SPECC1: variants seen among roughly 807,000 people sequenced by gnomAD.
The protein encoded by SPECC1 is sperm antigen with calponin homology and coiled-coil domains 1.
SPECC1 carries 62 observed loss-of-function variants against 104.1 expected under a neutral mutation model. That is an observed-to-expected ratio of 0.60 (90% CI 0.49 to 0.74). The LOEUF (loss-of-function observed/expected upper bound fraction) is 0.74, where lower values mean the gene tolerates loss of function less well. SPECC1 is among the 30% of genes least tolerant of loss of function. The probability of loss-of-function intolerance (pLI) is 0.00; values close to 1 mark genes in which losing one functional copy is unlikely to be tolerated. For missense variants in SPECC1, 1,306 were observed against 1,310.5 expected (o/e 1.00, Z 0.05); for synonymous variants, 513 against 501.6 (o/e 1.02, Z -0.30).
At chr17:20,304,291 A>G (rs1450399287) in intron 13 of SPECC1, among the ~76,000 whole-genome samples, 3 of 152,042 alleles carry the variant, frequency 2.0e-5, no homozygotes, top group Non-Finnish European at 4.4e-5. Flanking sequence ...TTCCATCTCA[A>G]AAAAAGGAAA....
chr17:20,053,292 T>C (rs969941137), intron 1 of SPECC1, among the ~76,000 whole-genome samples: 4 of 152,232 alleles, frequency 2.6e-5, no homozygotes, highest in Non-Finnish European at 5.9e-5. Context: ...TCCTCTATTC[T>C]TGCTAAAGTC....
At position 20,110,484 on chromosome 17, in the gene SPECC1, G is replaced by A; in HGVS notation, c.205G>A (p.Gly69Arg). ...LNKPGSTAAS[G>R]VVRLKKTATA... ...CAAGCCAGGAAGTACCGCTGCATCG[G>A]GGGTGGTTCGCCTGAAGAAGACCGC... Residue 69 changes from glycine to arginine, a missense_variant, in exon 3 of 15, where the codon GGG (glycine) becomes AGG (arginine). Physicochemically the swap from Gly to Arg is moderately radical, Grantham distance 125. Coordinates refer to ENST00000395527, the MANE Select transcript of SPECC1 (RefSeq NM_001243439.2). The A allele has an allele frequency of 6.2e-7, 1 of 1,614,032 alleles. No homozygotes were observed. Among genetic ancestry groups the A allele is most frequent in the South Asian group, 1.1e-5 (1 of 91,068 alleles).
chr17:20,172,655 G>A (rs2034176672), intron 3 of SPECC1, among the ~76,000 whole-genome samples: 1 of 152,190 alleles, frequency 6.6e-6, no homozygotes, highest in Non-Finnish European at 1.5e-5. Context: ...GGTTGGGAGA[G>A]ACATGGGGAG....
At chr17:20,306,145 C>T in intron 14 of SPECC1, 63 bp downstream of exon 14, 1 of 1,493,128 alleles carries the variant, frequency 6.7e-7, no homozygotes, top group African/African-American at 1.4e-5. Context: ...TTTATGCCAT[C>T]TGATAAACAG....
intron 1 of SPECC1, among the ~76,000 whole-genome samples, chr17:20,093,645 G>T (rs576529260): frequency 9.2e-5 from 14 of 152,116 alleles, no homozygotes; most frequent in Non-Finnish European, 1.8e-4. Flanking sequence ...GGGTGCACCT[G>T]CTCCCCTTCT....
In SPECC1 at chr17:20,052,039, C is replaced by CA. The variant is rs1414208488; in HGVS notation, c.-22+42622dup. Reference sequence around the variant, plus strand: ...TAAGGATTAAATGTGACAACTTCAACAAAAAAACCCTAGAAGAATGTTTGA... The same window carrying CA: ...TAAGGATTAAATGTGACAACTTCAACAAAAAAAACCCTAGAAGAATGTTTGA... On this transcript the variant is annotated intron_variant, in intron 1 of 14. Coordinates refer to ENST00000395527, the MANE Select transcript of SPECC1 (RefSeq NM_001243439.2). Among the ~76,000 whole-genome samples the CA allele has an allele frequency of 4.6e-5, 7 of 151,894 alleles. No homozygotes were observed. The East Asian group carries it at 5.8e-4, about 13-fold the overall frequency.
chr17:20,177,614 C>T (rs2034559730), intron 3 of SPECC1, among the ~76,000 whole-genome samples: 2 of 152,194 alleles, frequency 1.3e-5, no homozygotes, highest in Non-Finnish European at 2.9e-5. Flanking sequence ...TAAATACTCT[C>T]AACTATCCTT....
At chr17:20,217,263 T>G (rs1054099998) in intron 4 of SPECC1, among the ~76,000 whole-genome samples, 1 of 148,598 alleles carries the variant, frequency 6.7e-6, no homozygotes, top group Non-Finnish European at 1.5e-5. Flanking sequence ...AGTTTTTTTA[T>G]TGTGTGTGTG....
At chr17:20,162,436 G>A (rs945966284) in intron 3 of SPECC1, among the ~76,000 whole-genome samples, 5 of 152,112 alleles carry the variant, frequency 3.3e-5, no homozygotes, top group Admixed American at 6.6e-5. Flanking sequence ...GTGAGCCACC[G>A]CGCCCGGCCC....
At chr17:20,125,304 C>T (rs192826004) in intron 3 of SPECC1, among the ~76,000 whole-genome samples, 262 of 152,304 alleles carry the variant, frequency 1.7e-3, no homozygotes, top group Middle Eastern at 3.4e-3. Flanking sequence ...CTACTGAATG[C>T]GCGTCATGTT....
At chr17:20,163,552 TTC>T (rs748754978) in intron 3 of SPECC1, among the ~76,000 whole-genome samples, 12 of 151,828 alleles carry the variant, frequency 7.9e-5, no homozygotes, top group Admixed American at 2.0e-4. Context: ...AACATTTATA[TTC>T]TCTCTCTCTC....
chr17:20,088,940 G>C (rs2047289924), intron 1 of SPECC1, among the ~76,000 whole-genome samples: 1 of 152,202 alleles, frequency 6.6e-6, no homozygotes, highest in Non-Finnish European at 1.5e-5. Flanking sequence ...CAGCAAGAAG[G>C]CACCTTCTGT....
chr17:20,110,139 AT>A (rs2048412071), intron 2 of SPECC1, among the ~76,000 whole-genome samples: 1 of 152,126 alleles, frequency 6.6e-6, no homozygotes, highest in Admixed American at 6.5e-5. Flanking sequence ...GCCCAGCCAC[AT>A]TTTTTAAGGC....
rs2152505433 is a variant in SPECC1 at position 20,096,791 on chromosome 17, T to C, written c.140T>C (p.Leu47Pro). 6.2e-7 allele frequency: 1 copy of C among 1,613,452 alleles called. No homozygotes were observed. Among genetic ancestry groups the C allele is most frequent in the East Asian group, 2.2e-5 (1 of 44,842 alleles). ...SSTSLAFESR[L>P]SRLKRASSED... is the part of the protein sequence containing the mutation. ...ACTTCCTTGGCTTTTGAGTCCCGACTCAGCAGGGTATGGATCAAAATGCAC... is the reference window on the plus strand; with the variant it reads ...ACTTCCTTGGCTTTTGAGTCCCGACCCAGCAGGGTATGGATCAAAATGCAC... The change falls in exon 2 of 15, where the codon CTC becomes CCC. Residue 47 changes from leucine (L) to proline (P), a missense_variant. Transcript: ENST00000395527.
At chr17:20,238,524 A>G in intron 7 of SPECC1, 17 of 1,042,138 alleles carry the variant, frequency 1.6e-5, no homozygotes, top group Non-Finnish European at 2.0e-5. Flanking sequence ...AAAATTAGGA[A>G]CAGGAATGCT....
chr17:20,121,718 G>A (rs1170894952), intron 3 of SPECC1, among the ~76,000 whole-genome samples: 1 of 152,152 alleles, frequency 6.6e-6, no homozygotes, highest in Non-Finnish European at 1.5e-5. Context: ...TAGAGAATGA[G>A]GAGGTTCCTT....
At chr17:20,185,365 G>T (rs771284623) in intron 3 of SPECC1, among the ~76,000 whole-genome samples, 1 of 152,224 alleles carries the variant, frequency 6.6e-6, no homozygotes, top group Non-Finnish European at 1.5e-5. Flanking sequence ...GGCCCCTCTT[G>T]TTTGCGGGGG....
At chr17:20,267,899 G>A (rs1204160462) in intron 12 of SPECC1, among the ~76,000 whole-genome samples, 1 of 152,046 alleles carries the variant, frequency 6.6e-6, no homozygotes, top group East Asian at 1.9e-4. Flanking sequence ...TCCCTCAGCT[G>A]GGGGATCTTG....
At chr17:20,108,202 CACAGT>C (rs1393314742) in intron 2 of SPECC1, among the ~76,000 whole-genome samples, 1 of 148,068 alleles carries the variant, frequency 6.8e-6, no homozygotes, top group Non-Finnish European at 1.5e-5. Flanking sequence ...CTTATTTTAG[CACAGT>C]AAAGTTTTAA....
Sources: gnomAD v4.1 joint callset for allele counts (sites outside exome capture counted in the v4.1 genomes callset) on GRCh38, gnomAD v4.1.1 for gene constraint, MANE v1.5 for transcripts, NCBI Gene and HGNC (gene_info 2026-07-23, HGNC 2026-07-21) for gene names.